Variants in POLN observed in about 807,000 individuals in gnomAD.
POLN encodes DNA polymerase N.
Under a neutral mutation model 113.5 loss-of-function variants are expected in POLN, and 108 were observed. The ratio of observed to expected loss-of-function variants is 0.95; its 90% CI spans 0.81 to 1.12. The LOEUF is 1.12. POLN is among the 50% of genes most tolerant of loss of function. The pLI is 0.00. For synonymous variants in POLN, 386 were observed against 391.5 expected, an observed-to-expected ratio of 0.99 and a Z score of 0.17; for missense variants, 1,097 against 1,077.1, an observed-to-expected ratio of 1.02 and a Z score of -0.26.
intron 24 of POLN, among the ~76,000 whole-genome samples, chr4:2,074,430 G>T (rs1181807943): frequency 6.6e-6 from 1 of 152,244 alleles, no homozygotes; most frequent in African/African-American, 2.4e-5. Context: ...GGAGGAAGCT[G>T]CTCCCGGGAA....
At chr4:2,238,632 T>C (rs1400728444) in intron 2 of POLN, 1 of 1,606,030 alleles carries the variant, frequency 6.2e-7, no homozygotes, top group Non-Finnish European at 8.5e-7. Flanking sequence ...TTAGTATCAA[T>C]GGTATTCCTT....
intron 8 of POLN, among the ~76,000 whole-genome samples, chr4:2,179,024 C>T (rs1194376145): frequency 6.6e-6 from 1 of 152,164 alleles, no homozygotes; most frequent in East Asian, 1.9e-4. Flanking sequence ...CAATGAGTGG[C>T]ATTCTGTTCA....
chr4:2,222,017 C>A (rs139430460), intron 3 of POLN, among the ~76,000 whole-genome samples: 5 of 152,322 alleles, frequency 3.3e-5, no homozygotes, highest in Admixed American at 3.3e-4. Context: ...ACCTTGGGCA[C>A]GTCTCAGGAC....
intron 16 of POLN, among the ~76,000 whole-genome samples, chr4:2,139,289 G>A (rs961803960): frequency 2.6e-5 from 4 of 152,356 alleles, no homozygotes; most frequent in Admixed American, 1.3e-4. Flanking sequence ...CAGCTCCCCT[G>A]GGGTCAGCAA....
chr4:2,074,868 C>T (rs557411179), intron 24 of POLN, among the ~76,000 whole-genome samples: 4 of 152,090 alleles, frequency 2.6e-5, no homozygotes, highest in Non-Finnish European at 5.9e-5. Context: ...GGGGAGGCCC[C>T]GGCCCTCCCA....
At chr4:2,178,154 C>A (rs1168309186) in intron 8 of POLN, among the ~76,000 whole-genome samples, 5 of 152,216 alleles carry the variant, frequency 3.3e-5, no homozygotes, top group Non-Finnish European at 7.3e-5. Flanking sequence ...GTGCCTGGTG[C>A]CTGACACGGG....
rs752456250 is a variant in POLN at position 2,185,763 on chromosome 4, C to T, written c.1022-6298G>A. Reference sequence around the variant, plus strand: ...TCCATCTCAAAAACAAACAAATAAACAAAAAGAAATACAAGTTACGGGCTT... The same window carrying T: ...TCCATCTCAAAAACAAACAAATAAATAAAAAGAAATACAAGTTACGGGCTT... On this transcript the variant is annotated intron_variant, in intron 7 of 25. Transcript: ENST00000511885. 1.6e-4 allele frequency among the ~76,000 whole-genome samples: 25 copies of T among 151,906 alleles called. 1 individual carries two copies. The highest frequency in any genetic ancestry group is 4.4e-5 in the Non-Finnish European group (3 of 67,978).
At chr4:2,168,536 T>C (rs1227863333) in intron 13 of POLN, among the ~76,000 whole-genome samples, 1 of 152,258 alleles carries the variant, frequency 6.6e-6, no homozygotes, top group Non-Finnish European at 1.5e-5. Context: ...TGAAAGCTGT[T>C]GTCTTAACAA....
intron 7 of POLN, among the ~76,000 whole-genome samples, chr4:2,192,345 C>T (rs1733471820): frequency 1.3e-5 from 2 of 151,938 alleles, no homozygotes; most frequent in South Asian, 4.2e-4. Context: ...ACTTAGCTGT[C>T]CATCTAGTTT....
chr4:2,072,981 T>G lies in POLN; in HGVS notation c.2504A>C (p.Glu835Ala), dbSNP rs772692449. ...MESLEQVQAL[E>A]LQLQVPLKVS... is the part of the protein sequence containing the mutation. ...GTGTCCCCTCACCTGAAGCTGCAGC[T>G]CCAATGCCTGCACCTGTTCCAAGGA... Residue 835 changes from glutamate (E) to alanine (A), a missense_variant, in exon 25 of 26, where the codon GAG becomes GCG. Transcript: ENST00000511885. 6.2e-7 allele frequency: 1 copy of G among 1,613,334 alleles called. No homozygotes were observed. Among genetic ancestry groups the G allele is most frequent in the Admixed American group, 1.7e-5 (1 of 60,006 alleles).
rs1730722628 is a variant in POLN, at chr4:2,093,967, T to A, written c.2065+1884A>T. Among the ~76,000 whole-genome samples, 2 of 152,090 alleles carry A rather than the reference T, an allele frequency of 1.3e-5. No homozygotes were observed. Among genetic ancestry groups the A allele is most frequent in the African/African-American group, 4.8e-5 (2 of 41,398 alleles). On this transcript the variant is annotated intron_variant, in intron 20 of 25. Coordinates refer to ENST00000511885, the MANE Select transcript of POLN (RefSeq NM_181808.4). The surrounding 1 kb of genome is among the most constrained non-coding windows in gnomAD (Gnocchi z 4.1). ...AGGTACTCATGTTTGAGCTGGGGCA[T>A]GAGACCATGAACAGGCGAGTGGGTG...
intron 16 of POLN, among the ~76,000 whole-genome samples, chr4:2,150,779 T>G (rs1732273123): frequency 6.6e-6 from 1 of 152,196 alleles, no homozygotes; most frequent in African/African-American, 2.4e-5. Context: ...GACAACTGGA[T>G]GTCCACTTGT....
chr4:2,181,444 C>A (rs1457621511), intron 7 of POLN, among the ~76,000 whole-genome samples: 1 of 143,498 alleles, frequency 7.0e-6, no homozygotes, highest in African/African-American at 2.8e-5. Context: ...CTGTGCCCAG[C>A]CAAAAAAGAC....
intron 13 of POLN, among the ~76,000 whole-genome samples, chr4:2,168,994 T>G (rs774666587): frequency 2.0e-5 from 3 of 152,218 alleles, no homozygotes; most frequent in Non-Finnish European, 4.4e-5. Flanking sequence ...CAGCTGTGAC[T>G]TGGGGCCTTA....
chr4:2,128,213 C>A lies in POLN; in HGVS notation c.1882G>T (p.Glu628Ter). Reference sequence around the variant, plus strand: ...GATAAATGTGTAAGAATGCGCAATTCAATCTGTGAAAAGTCTGTGAGATAC... The same window carrying A: ...GATAAATGTGTAAGAATGCGCAATTAAATCTGTGAAAAGTCTGTGAGATAC... ...TFLAADFSQI[E>*]LRILTHLSGD... is the part of the protein sequence containing the mutation. Residue 628 changes from glutamate (E) to a stop codon, truncating the protein, a stop_gained, in exon 19 of 26, where the codon GAA becomes TAA. Transcript: ENST00000511885. LOFTEE classifies it high-confidence loss of function. The A allele has an allele frequency of 1.2e-6, 2 of 1,605,948 alleles. No individual in the cohort carries two copies. Among genetic ancestry groups the A allele is most frequent in the African/African-American group, 2.7e-5 (2 of 74,860 alleles).
rs1432336908 is a variant in POLN at position 2,072,029 on chromosome 4, TG to T, written c.*84del. On this transcript the variant is annotated 3_prime_UTR_variant, in exon 26 of 26. Transcript: ENST00000511885. The stretch of plus-strand genomic sequence containing the variant: ...CCAGCCCCAAAGGGTTAATGCGTCC[TG>T]GGGCGTACAGAGCTGGTGACCTTGG... 4 of 1,478,932 alleles carry T rather than the reference TG, an allele frequency of 2.7e-6. No individual in the cohort carries two copies. Among genetic ancestry groups the T allele is most frequent in the Non-Finnish European group, 3.8e-6 (4 of 1,058,350 alleles). 91.6% of individuals were successfully genotyped at this position (1,478,932 alleles called of 1,614,324 possible). A position where few individuals can be genotyped will look rare whatever the true frequency, so the allele number is the denominator to read the frequency against.
Position 2,114,122 on chromosome 4 carries a change from C to G in POLN, c.1982+13991G>C, listed in dbSNP as rs763714782. Among the ~76,000 whole-genome samples the G allele has an allele frequency of 3.3e-5, 5 of 151,752 alleles. No homozygotes were observed. The East Asian group carries it at 7.7e-4, about 23-fold the overall frequency. ...TCATGTTTCCAAGGCAAGTCTTGAACTCCTGGACTCAAGTGACCCTCCCAC... is the reference window on the plus strand; with the variant it reads ...TCATGTTTCCAAGGCAAGTCTTGAAGTCCTGGACTCAAGTGACCCTCCCAC... On this transcript the variant is annotated intron_variant, in intron 19 of 25. Coordinates refer to ENST00000511885, the MANE Select transcript of POLN (RefSeq NM_181808.4).
rs62288010 is a variant in POLN at position 2,143,369 on chromosome 4, C to T, written c.1732-12079G>A. Among the ~76,000 whole-genome samples the T allele has an allele frequency of 6.3e-3, 961 of 152,168 alleles. 5 individuals are homozygous for T. The highest frequency in any genetic ancestry group is 0.011 in the Non-Finnish European group (725 of 68,004). ...ATATCAGAAATGAAACCAGGAATAT[C>T]ACTACAGACCCTAAGACATCAAAAG... On this transcript the variant is annotated intron_variant, in intron 16 of 25. Coordinates refer to ENST00000511885, the MANE Select transcript of POLN (RefSeq NM_181808.4).
intron 2 of POLN, chr4:2,234,126 A>T (rs974415513): frequency 1.3e-5 from 2 of 152,258 alleles, no homozygotes; most frequent in African/African-American, 4.8e-5. Context: ...ACAGTAATTA[A>T]ATCAAGACAG....
Sources: allele counts gnomAD v4.1 joint callset (sites outside exome capture counted in the v4.1 genomes callset), GRCh38; gene constraint gnomAD v4.1.1; non-coding constraint Gnocchi (gnomAD v3.1); transcripts MANE v1.5; gene names NCBI Gene and HGNC (gene_info 2026-07-23, HGNC 2026-07-21).